Variants in LRMDA observed in about 807,000 individuals in gnomAD.
LRMDA encodes leucine-rich melanocyte differentiation-associated protein.
LRMDA carries 18 observed loss-of-function variants against 29.8 expected under a neutral mutation model. The ratio of observed to expected loss-of-function variants is 0.60; its 90% CI spans 0.42 to 0.90. The LOEUF (loss-of-function observed/expected upper bound fraction) is 0.90. Ranked by LOEUF, LRMDA falls within the 40% of genes least tolerant of loss-of-function variation. The pLI is 0.00. For synonymous variants in LRMDA, 125 were observed against 109.4 expected, an observed-to-expected ratio of 1.14 and a Z score of -0.89; for missense variants, 273 against 273.9, an observed-to-expected ratio of 1.00 and a Z score of 0.02.
chr10:76,356,155 A>G (rs1352720499), intron 6 of LRMDA, among the ~76,000 whole-genome samples: 2 of 152,230 alleles, frequency 1.3e-5, no homozygotes, highest in Non-Finnish European at 2.9e-5. Context: ...ACAATTGCAA[A>G]GTGTTTTAGA....
At chr10:75,928,318 A>G (rs1339998830) in intron 2 of LRMDA, among the ~76,000 whole-genome samples, 1 of 150,856 alleles carries the variant, frequency 6.6e-6, no homozygotes, top group Non-Finnish European at 1.5e-5. Context: ...GAAGATTGCT[A>G]CAGTTATCTG....
At chr10:75,982,505 C>G (rs972932759) in intron 2 of LRMDA, among the ~76,000 whole-genome samples, 1 of 152,092 alleles carries the variant, frequency 6.6e-6, no homozygotes, top group African/African-American at 2.4e-5. Context: ...GCTTGAGTGG[C>G]CAGTATTCCA....
At chr10:76,343,794 A>T (rs1333879027) in intron 6 of LRMDA, among the ~76,000 whole-genome samples, 1 of 151,430 alleles carries the variant, frequency 6.6e-6, no homozygotes, top group Non-Finnish European at 1.5e-5. Context: ...CTATTATAAA[A>T]GTTTCATGTT....
At chr10:75,852,764 C>T (rs537861624) in intron 2 of LRMDA, among the ~76,000 whole-genome samples, 4 of 152,254 alleles carry the variant, frequency 2.6e-5, no homozygotes, top group Admixed American at 1.3e-4. Flanking sequence ...GCTCCTGAGA[C>T]TTCCAGCTGC....
chr10:75,778,574 T>C (rs553092311), intron 2 of LRMDA, among the ~76,000 whole-genome samples: 26 of 152,280 alleles, frequency 1.7e-4, no homozygotes, highest in Non-Finnish European at 2.8e-4. Flanking sequence ...GCACCTGTGG[T>C]CAGCTTGGCA....
intron 2 of LRMDA, among the ~76,000 whole-genome samples, chr10:75,954,134 A>G (rs1283900168): frequency 2.0e-5 from 3 of 152,226 alleles, no homozygotes; most frequent in Non-Finnish European, 4.4e-5. Context: ...TACAGCTGCA[A>G]GGAACTGAAT....
At chr10:75,991,122 T>C (rs576810552) in intron 2 of LRMDA, among the ~76,000 whole-genome samples, 8 of 152,296 alleles carry the variant, frequency 5.3e-5, no homozygotes, top group Admixed American at 5.2e-4. Context: ...AGAACTCGGG[T>C]ATGGCAAGCA....
At position 75,782,792 on chromosome 10, in the gene LRMDA, G is replaced by C. The variant is rs192532414; in HGVS notation, c.132-253216G>C. 2.3e-5 allele frequency: 32 copies of C among 1,416,830 alleles called. No individual in the cohort carries two copies. In the African/African-American group the frequency reaches 3.0e-4, roughly 13 times the overall value. The allele number at this position is 1,416,830 out of a possible 1,614,324, so 87.8% of individuals were successfully genotyped here. A position where few individuals can be genotyped will look rare whatever the true frequency, so the allele number is the denominator to read the frequency against. ...GAAAGAGGATCTGGCTGAAAGACCC[G>C]CAACTTTCACTTGTTGAGAACCTTT... is the stretch of plus-strand genomic sequence containing the variant. On this transcript the variant is annotated intron_variant, in intron 2 of 6. Transcript: ENST00000611255.
chr10:75,556,745 C>T (rs1840218716), intron 2 of LRMDA, among the ~76,000 whole-genome samples: 1 of 124,858 alleles, frequency 8.0e-6, no homozygotes. Context: ...CATGTGGTTG[C>T]ATGATTGTTT....
intron 3 of LRMDA, among the ~76,000 whole-genome samples, chr10:76,040,864 C>T (rs780680780): frequency 4.6e-5 from 7 of 152,166 alleles, no homozygotes; most frequent in Non-Finnish European, 1.0e-4. Flanking sequence ...TACTGAATAG[C>T]CAATGAGTTT....
At chr10:76,182,474 C>G (rs1168013567) in intron 5 of LRMDA, among the ~76,000 whole-genome samples, 1 of 152,154 alleles carries the variant, frequency 6.6e-6, no homozygotes, top group Non-Finnish European at 1.5e-5. Context: ...ACTTGGCACC[C>G]AATAGGCACC....
intron 2 of LRMDA, among the ~76,000 whole-genome samples, chr10:75,838,166 T>C (rs1354853412): frequency 6.6e-6 from 1 of 152,170 alleles, no homozygotes; most frequent in African/African-American, 2.4e-5. Context: ...CCAGAAACCA[T>C]TGTGATTAAA....
At chr10:76,440,466 T>A (rs1842290431) in intron 6 of LRMDA, among the ~76,000 whole-genome samples, 1 of 152,188 alleles carries the variant, frequency 6.6e-6, no homozygotes, top group South Asian at 2.1e-4. Flanking sequence ...CAGCCCTCTT[T>A]TAGTTTCGCT....
At chr10:75,526,250 A>G (rs1335044336) in intron 2 of LRMDA, among the ~76,000 whole-genome samples, 4 of 151,788 alleles carry the variant, frequency 2.6e-5, no homozygotes, top group Admixed American at 1.3e-4. Context: ...TTTTTTGTAG[A>G]GATTGGGTCT....
At chr10:76,225,105 A>G (rs1369560663) in intron 5 of LRMDA, among the ~76,000 whole-genome samples, 1 of 152,048 alleles carries the variant, frequency 6.6e-6, no homozygotes, top group Non-Finnish European at 1.5e-5. Context: ...GCCAAATCTC[A>G]TGCTGAAATT....
intron 2 of LRMDA, among the ~76,000 whole-genome samples, chr10:75,464,345 G>A (rs894812661): frequency 6.6e-6 from 1 of 152,186 alleles, no homozygotes; most frequent in Admixed American, 6.5e-5. Context: ...GAAATTATGT[G>A]TTTTTGTGTA....
intron 2 of LRMDA, among the ~76,000 whole-genome samples, chr10:75,440,865 G>T (rs1267330290): frequency 6.6e-6 from 1 of 152,076 alleles, no homozygotes; most frequent in African/African-American, 2.4e-5. Flanking sequence ...GTGAAATCCT[G>T]TCTCTACTAA....
chr10:75,913,230 TG>T (rs1845869281), intron 2 of LRMDA, among the ~76,000 whole-genome samples: 1 of 152,150 alleles, frequency 6.6e-6, no homozygotes, highest in Non-Finnish European at 1.5e-5. Context: ...AGGCCAAGGC[TG>T]GTGGATCATG....
intron 6 of LRMDA, among the ~76,000 whole-genome samples, chr10:76,378,001 C>A (rs1373291894): frequency 6.6e-6 from 1 of 151,982 alleles, no homozygotes; most frequent in African/African-American, 2.4e-5. Flanking sequence ...CAATATTTGA[C>A]TTTTTAATCC....
Sources: allele counts gnomAD v4.1 joint callset (sites outside exome capture counted in the v4.1 genomes callset), GRCh38; gene constraint gnomAD v4.1.1; transcripts MANE v1.5; gene names NCBI Gene and HGNC (gene_info 2026-07-23, HGNC 2026-07-21).